The following MAGI2 variants were observed in gnomAD, a reference collection of about 807,000 sequenced individuals.
MAGI2 encodes the protein membrane associated guanylate kinase, WW and PDZ domain containing 2, also known as membrane-associated guanylate kinase, WW and PDZ domain-containing protein 2.
Under a neutral mutation model 133.3 loss-of-function variants are expected in MAGI2, and 35 were observed. The ratio of observed to expected loss-of-function variants is 0.26; its 90% confidence interval spans 0.20 to 0.35. The LOEUF (loss-of-function observed/expected upper bound fraction) is 0.35, where lower values mean the gene tolerates loss of function less well. Among genes scored for constraint, MAGI2 ranks in the 10% least tolerant of loss-of-function variants. The probability of loss-of-function intolerance (pLI) is 1.00; values close to 1 mark genes in which losing one functional copy is unlikely to be tolerated. For missense variants in MAGI2, 1,636 were observed against 1,863.4 expected, an observed-to-expected ratio of 0.88 and a Z score of 2.25; for synonymous variants, 729 against 710.6, an observed-to-expected ratio of 1.03 and a Z score of -0.41.
chr7:79,391,827 G>T (rs1223113945), intron 1 of MAGI2, among the ~76,000 whole-genome samples: 1 of 151,830 alleles, frequency 6.6e-6, no homozygotes, highest in Admixed American at 6.6e-5. Flanking sequence ...GGGACTACAG[G>T]CGCACGCCAC....
intron 1 of MAGI2, among the ~76,000 whole-genome samples, chr7:79,060,109 T>C (rs1228181608): frequency 6.6e-6 from 1 of 152,048 alleles, no homozygotes; most frequent in Non-Finnish European, 1.5e-5. Context: ...ACTGCAAAAT[T>C]AATGATGACC....
At chr7:79,347,270 A>G (rs1190984899) in intron 1 of MAGI2, among the ~76,000 whole-genome samples, 1 of 151,996 alleles carries the variant, frequency 6.6e-6, no homozygotes, top group African/African-American at 2.4e-5. Context: ...AACATATGTC[A>G]AATCTATATT....
At chr7:78,189,871 G>A (rs1409823480) in intron 12 of MAGI2, among the ~76,000 whole-genome samples, 2 of 152,248 alleles carry the variant, frequency 1.3e-5, no homozygotes, top group East Asian at 3.9e-4. Flanking sequence ...CCTCTATCCT[G>A]TATCAACACA....
chr7:78,725,739 C>T, intron 2 of MAGI2, among the ~76,000 whole-genome samples: 1 of 152,224 alleles, frequency 6.6e-6, no homozygotes, highest in East Asian at 1.9e-4. Flanking sequence ...GTGGAGCTTG[C>T]AGTGAGCCGA....
At chr7:79,159,529 A>AG (rs1824153496) in intron 1 of MAGI2, among the ~76,000 whole-genome samples, 1 of 151,710 alleles carries the variant, frequency 6.6e-6, no homozygotes, top group African/African-American at 2.4e-5. Context: ...AAAAAAAAAA[A>AG]AAAAAGAAGA....
intron 7 of MAGI2, among the ~76,000 whole-genome samples, chr7:78,348,694 A>G (rs896842080): frequency 6.6e-6 from 1 of 152,212 alleles, no homozygotes; most frequent in Non-Finnish European, 1.5e-5. Context: ...AGTTATTTAA[A>G]AATATACAAT....
chr7:78,729,583 G>T (rs1360810548), intron 2 of MAGI2, among the ~76,000 whole-genome samples: 1 of 152,162 alleles, frequency 6.6e-6, no homozygotes, highest in Non-Finnish European at 1.5e-5. Flanking sequence ...TGTCAGACTA[G>T]GTGCTAAGGA....
chr7:78,751,415 C>T (rs768952244), intron 2 of MAGI2, among the ~76,000 whole-genome samples: 4 of 152,170 alleles, frequency 2.6e-5, no homozygotes, highest in Non-Finnish European at 5.9e-5. Context: ...TTTTGACTCA[C>T]GCTCAGCAAA....
chr7:78,620,384 G>C (rs570954327), intron 3 of MAGI2, among the ~76,000 whole-genome samples: 3 of 152,132 alleles, frequency 2.0e-5, no homozygotes, highest in East Asian at 3.9e-4. Flanking sequence ...AAATGAAATA[G>C]ATTTGTGTAG....
At chr7:79,399,862 A>G (rs2129161250) in intron 1 of MAGI2, among the ~76,000 whole-genome samples, 1 of 152,354 alleles carries the variant, frequency 6.6e-6, no homozygotes, top group Non-Finnish European at 1.5e-5. Flanking sequence ...CAACTATCAT[A>G]CATCTGGCTG....
chr7:78,349,109 A>G (rs551579835), intron 7 of MAGI2, among the ~76,000 whole-genome samples: 1 of 152,302 alleles, frequency 6.6e-6, no homozygotes. Flanking sequence ...AGGCTATACT[A>G]ACTTTATTAA....
At chr7:78,451,858 T>C (rs1046016391) in intron 6 of MAGI2, among the ~76,000 whole-genome samples, 1 of 152,106 alleles carries the variant, frequency 6.6e-6, no homozygotes, top group African/African-American at 2.4e-5. Flanking sequence ...TCCCACATTA[T>C]GGACCATGAA....
chr7:78,278,415 G>C (rs761206187), intron 9 of MAGI2, among the ~76,000 whole-genome samples: 4 of 152,224 alleles, frequency 2.6e-5, no homozygotes, highest in African/African-American at 4.8e-5. Context: ...GTGTTTTGTG[G>C]ATCTGGATTG....
At chr7:78,524,840 CTAAA>C (rs1796816506) in intron 3 of MAGI2, among the ~76,000 whole-genome samples, 1 of 152,104 alleles carries the variant, frequency 6.6e-6, no homozygotes, top group Non-Finnish European at 1.5e-5. Context: ...TAATGTAAAA[CTAAA>C]TAATCTATGC....
At chr7:78,264,079 A>G (rs892827129) in intron 9 of MAGI2, among the ~76,000 whole-genome samples, 6 of 152,112 alleles carry the variant, frequency 3.9e-5, no homozygotes, top group African/African-American at 1.4e-4. Context: ...ACTCTTCCTG[A>G]TAGCGTGATT....
rs148800356 is a variant in MAGI2, at chr7:79,389,554, G to A, written c.301+63466C>T. Reference sequence around the variant, plus strand: ...TTTTTAAATAATGCCTATGTAAATAGCATTATTCTATTTTAAAAGTTACAT... The same window carrying A: ...TTTTTAAATAATGCCTATGTAAATAACATTATTCTATTTTAAAAGTTACAT... On this transcript the variant is annotated intron_variant, in intron 1 of 21. Transcript: ENST00000354212. Among the ~76,000 whole-genome samples the A allele has an allele frequency of 8.7e-3, 1,328 of 152,098 alleles. 12 individuals are homozygous for A. The highest frequency in any genetic ancestry group is 0.031 in the African/African-American group (1,270 of 41,474).
chr7:78,263,601 C>T (rs1351808229), intron 9 of MAGI2, among the ~76,000 whole-genome samples: 3 of 152,132 alleles, frequency 2.0e-5, no homozygotes, highest in Admixed American at 6.6e-5. Flanking sequence ...TGCTAAATCT[C>T]CACTTCTGGT....
At chr7:78,588,458 C>T (rs567442106) in intron 3 of MAGI2, among the ~76,000 whole-genome samples, 1 of 152,116 alleles carries the variant, frequency 6.6e-6, no homozygotes, top group Non-Finnish European at 1.5e-5. Context: ...CAGTAGGAGG[C>T]AGAGGCAGAT....
intron 2 of MAGI2, among the ~76,000 whole-genome samples, chr7:78,875,958 T>A (rs1795384521): frequency 6.6e-6 from 1 of 152,160 alleles, no homozygotes; most frequent in Non-Finnish European, 1.5e-5. Flanking sequence ...AGCTTGGTGA[T>A]GCATTAATAA....
Sources: gnomAD v4.1 joint callset for allele counts (sites outside exome capture counted in the v4.1 genomes callset) on GRCh38, gnomAD v4.1.1 for gene constraint, MANE v1.5 for transcripts, NCBI Gene and HGNC (gene_info 2026-07-23, HGNC 2026-07-21) for gene names.